Variants in RBMX observed in about 807,000 individuals in gnomAD.
RBMX encodes RNA-binding motif protein, X chromosome.
Under a neutral mutation model 29.3 loss-of-function variants are expected in RBMX, and 1 was observed. The observed-to-expected ratio is 0.03, with a 90% CI of 0.01 to 0.16. RBMX has a LOEUF of 0.16. RBMX is among the 10% of genes least tolerant of loss of function. The probability of loss-of-function intolerance (pLI) is 1.00; values close to 1 mark genes in which losing one functional copy is unlikely to be tolerated. For synonymous variants in RBMX, 102 were observed against 102.3 expected (o/e 1.00, Z 0.02); for missense variants, 121 against 333.2 (o/e 0.36, Z 4.96).
intron 8 of RBMX, 78 bp downstream of exon 8, chrX:136,875,008 C>G: frequency 2.5e-6 from 3 of 1,184,505 alleles, no homozygotes; most frequent in Non-Finnish European, 3.4e-6. Flanking sequence ...AAAGCAAGCA[C>G]CACACAGCCT....
chrX:136,869,451 T>C (rs1233891908), downstream of RBMX: 2 of 111,890 alleles, frequency 1.8e-5, no homozygotes, highest in African/African-American at 6.5e-5. Flanking sequence ...ACAATCTCTA[T>C]ATCCTATACT....
At chrX:136,875,688 A>G in intron 5 of RBMX, 103 bp from the exon 6 acceptor site, 1 of 1,041,675 alleles carries the variant, frequency 9.6e-7, no homozygotes, top group Non-Finnish European at 1.3e-6. Context: ...TTCAAAGATG[A>G]CATTACGGAG....
intron 3 of RBMX, among the ~76,000 whole-genome samples, chrX:136,878,510 C>T (rs774464061): frequency 2.7e-4 from 29 of 108,568 alleles, no homozygotes; most frequent in Non-Finnish European, 4.8e-4. Context: ...CTTTGGGAGG[C>T]GGAGGCAGCT....
downstream of RBMX, chrX:136,872,404 TTGCCTATTAC>T (rs2077690928): frequency 9.6e-7 from 1 of 1,041,529 alleles, no homozygotes; most frequent in African/African-American, 1.9e-5. Flanking sequence ...CTTTTAAAAC[TTGCCTATTAC>T]TGCCCTCTTT....
At chrX:136,879,173 A>G in intron 2 of RBMX, 50 bp from the exon 3 acceptor site, 1 of 1,209,211 alleles carries the variant, frequency 8.3e-7, no homozygotes, top group Non-Finnish European at 1.1e-6. Context: ...GTCAAATGAA[A>G]TAACCAAAGT....
At chrX:136,877,569 G>C (rs754416246) in intron 4 of RBMX, among the ~76,000 whole-genome samples, 4 of 106,851 alleles carry the variant, frequency 3.7e-5, no homozygotes, top group Non-Finnish European at 7.7e-5. Flanking sequence ...TTCTGCCTCA[G>C]CCTCCGTAGT....
chrX:136,874,670 G>C (rs1325394799), intron 8 of RBMX: 2 of 460,444 alleles, frequency 4.3e-6, no homozygotes, highest in African/African-American at 2.4e-5. Context: ...ACTGAAGACG[G>C]TGTGTATTTC....
rs373674889 is a variant in RBMX, at chrX:136,878,108, A to T, written c.217-22T>A. ...ATGACTAAAAAAAAAGATACGATTA[A>T]ATTAAATCAAGATTTAAAAATAATT... On this transcript the variant is annotated intron_variant, in intron 3 of 8. Coordinates refer to ENST00000320676, the MANE Select transcript of RBMX (RefSeq NM_002139.4). 26 of 1,125,092 alleles carry T rather than the reference A, an allele frequency of 2.3e-5. No homozygotes were observed. The African/African-American group carries it at 2.6e-4, about 11-fold the overall frequency. The allele number at this position is 1,125,092 out of a possible 1,213,427, so 92.7% of individuals were successfully genotyped here. A position where few individuals can be genotyped will look rare whatever the true frequency, so the allele number is the denominator to read the frequency against.
At chrX:136,870,321 G>A (rs2077676978), downstream of RBMX, 1 of 112,935 alleles carries the variant, frequency 8.9e-6, no homozygotes, top group Non-Finnish European at 1.9e-5. Flanking sequence ...AACCCCTGAA[G>A]GCAAAATCTA....
intron 8 of RBMX, 101 bp downstream of exon 8, chrX:136,874,985 A>G: frequency 1.8e-6 from 2 of 1,121,988 alleles, no homozygotes; most frequent in Non-Finnish European, 2.3e-6. Flanking sequence ...AAAAGCAAGC[A>G]AACATCCCTT....
chrX:136,875,324 C>T lies in RBMX; in HGVS notation c.716G>A (p.Arg239Gln). 8.3e-7 allele frequency: 1 copy of T among 1,211,485 alleles called. No individual in the cohort carries two copies. ...ACCATAATCACGGTAAGTATAATCT[C>T]GTGGTGGTGGTGCATAATCTCTAGT... ...RDTRDYAPPP[R>Q]DYTYRDYGHS... The change falls in exon 7 of 9, where the codon CGA (arginine) becomes CAA (glutamine). Residue 239 changes from arginine (R) to glutamine (Q), a missense_variant. By Grantham distance (43) the Arg-to-Gln change is conservative (BLOSUM62 1). This residue lies in a region of RBMX where 114 missense variants were observed against 260.0 expected (regional missense o/e 0.44). Transcript: ENST00000320676.
chrX:136,872,884 T>C (rs1397012760), downstream of RBMX: 2 of 111,245 alleles, frequency 1.8e-5, no homozygotes, highest in African/African-American at 6.6e-5. Context: ...CCATTTCCTA[T>C]ATTGACTAAA....
chrX:136,871,816 T>TG (rs1318527042), downstream of RBMX, among the ~76,000 whole-genome samples: 1 of 99,939 alleles, frequency 1.0e-5, no homozygotes, highest in Non-Finnish European at 2.0e-5. Flanking sequence ...CCGGTGTTTT[T>TG]TTTTTTTTTT....
At chrX:136,874,910 C>G in intron 8 of RBMX, 176 bp downstream of exon 8, 1 of 923,617 alleles carries the variant, frequency 1.1e-6, no homozygotes, top group Non-Finnish European at 1.4e-6. Flanking sequence ...TCAAAAGAAA[C>G]TTAGAAAAAC....
chrX:136,871,652 T>A (rs1232102622), downstream of RBMX, among the ~76,000 whole-genome samples: 1 of 106,998 alleles, frequency 9.3e-6, no homozygotes, highest in Non-Finnish European at 1.9e-5. Flanking sequence ...CTGAGCAAAT[T>A]TTTTTTTTCC....
chrX:136,876,130 T>G (rs2077726213), intron 5 of RBMX, among the ~76,000 whole-genome samples: 1 of 101,172 alleles, frequency 9.9e-6, no homozygotes, highest in African/African-American at 3.6e-5. Flanking sequence ...TTTTTGTTTT[T>G]TTTTTTTTTT....
chrX:136,874,960 TAA>T lies in RBMX; in HGVS notation c.865+124_865+125del, dbSNP rs917182698. 42 of 1,075,847 alleles carry T rather than the reference TAA, an allele frequency of 3.9e-5. No homozygotes were observed. The Admixed American group carries it at 8.6e-4, about 22-fold the overall frequency. 88.7% of individuals were successfully genotyped at this position (1,075,847 alleles called of 1,213,427 possible). On this transcript the variant is annotated intron_variant, in intron 8 of 8. Coordinates refer to ENST00000320676, the MANE Select transcript of RBMX (RefSeq NM_002139.4). ...ACAAAACTAGGAAAAGCCCAGCTGATAAAGTTACCCCTTTAAAAGCAAGCAAA... is the reference window on the plus strand; with the variant it reads ...ACAAAACTAGGAAAAGCCCAGCTGATAGTTACCCCTTTAAAAGCAAGCAAA...
downstream of RBMX, chrX:136,872,375 T>C: frequency 8.8e-7 from 1 of 1,139,581 alleles, no homozygotes; most frequent in Non-Finnish European, 1.2e-6. Context: ...GAAAACTAGT[T>C]ATCTCTCTTA....
chrX:136,869,975 C>T (rs1338822136), downstream of RBMX: 1 of 112,304 alleles, frequency 8.9e-6, no homozygotes, highest in Non-Finnish European at 1.9e-5. Context: ...TTTTATTCTA[C>T]AACTAAACTG....
Sources: gnomAD v4.1 joint callset for allele counts (sites outside exome capture counted in the v4.1 genomes callset) on GRCh38, gnomAD v4.1.1 for gene constraint, gnomAD v4.1.1 regional missense constraint, MANE v1.5 for transcripts, NCBI Gene and HGNC (gene_info 2026-07-23, HGNC 2026-07-21) for gene names.